SLC1A1: variants seen among roughly 807,000 people sequenced by gnomAD.
The protein encoded by SLC1A1 is excitatory amino acid transporter 3.
A neutral mutation model predicts 53.3 loss-of-function variants in SLC1A1; 43 were observed. That is an observed-to-expected ratio of 0.81 (90% CI 0.63 to 1.04). The LOEUF (loss-of-function observed/expected upper bound fraction) is 1.04, where lower values mean the gene tolerates loss of function less well. Among genes scored for constraint, SLC1A1 ranks in the 50% least tolerant of loss-of-function variants. The probability of loss-of-function intolerance (pLI) is 0.00; values close to 1 mark genes in which losing one functional copy is unlikely to be tolerated. For missense variants in SLC1A1, 748 were observed against 664.9 expected (o/e 1.12, Z -1.37); for synonymous variants, 307 against 243.2 (o/e 1.26, Z -2.44).
chr9:4,539,611 A>T (rs1372402855), intron 1 of SLC1A1, among the ~76,000 whole-genome samples: 1 of 151,324 alleles, frequency 6.6e-6, no homozygotes, highest in Admixed American at 6.6e-5. Flanking sequence ...TCACTCTGTC[A>T]TCTAGGCTGG....
At chr9:4,514,710 A>C (rs1270732380) in intron 1 of SLC1A1, among the ~76,000 whole-genome samples, 1 of 152,120 alleles carries the variant, frequency 6.6e-6, no homozygotes, top group East Asian at 1.9e-4. Context: ...GGGACCACTG[A>C]AGGGGCTTTA....
chr9:4,557,766 C>G (rs939981830), intron 2 of SLC1A1, among the ~76,000 whole-genome samples: 1 of 152,176 alleles, frequency 6.6e-6, no homozygotes. Flanking sequence ...TTTCTATCAT[C>G]AGGAAGCTCT....
intron 1 of SLC1A1, 120 bp from the exon 2 acceptor site, chr9:4,544,447 T>C (rs1817285264): frequency 1.2e-6 from 1 of 854,672 alleles, no homozygotes; most frequent in Admixed American, 1.7e-5. Context: ...TCATGGGAAA[T>C]GATCTAAACT....
intron 10 of SLC1A1, among the ~76,000 whole-genome samples, chr9:4,580,651 G>GTATGTGTGTGTGTGTA (rs1554690422): frequency 0.042 from 5,024 of 118,592 alleles, 211 homozygotes; most frequent in East Asian, 0.16. Flanking sequence ...GTGTGTGTGT[G>GTATGTGTGTGTGTGTA]TATAAGGAAT....
At chr9:4,547,800 T>TATTGTATA (rs1817609384) in intron 2 of SLC1A1, among the ~76,000 whole-genome samples, 1 of 152,164 alleles carries the variant, frequency 6.6e-6, no homozygotes, top group African/African-American at 2.4e-5. Flanking sequence ...TACAAATTTA[T>TATTGTATA]CTTTTATACT....
chr9:4,533,503 A>G (rs1392015661), intron 1 of SLC1A1, among the ~76,000 whole-genome samples: 7 of 152,212 alleles, frequency 4.6e-5, no homozygotes, highest in Non-Finnish European at 8.8e-5. Context: ...CAATTCAACA[A>G]GAAGAGCTAA....
At chr9:4,542,527 C>G (rs189457104) in intron 1 of SLC1A1, among the ~76,000 whole-genome samples, 21 of 152,130 alleles carry the variant, frequency 1.4e-4, no homozygotes, top group African/African-American at 5.1e-4. Flanking sequence ...CAACAGAGTC[C>G]TTGTGTGGCT....
intron 1 of SLC1A1, among the ~76,000 whole-genome samples, chr9:4,495,101 T>C (rs548230528): frequency 2.6e-4 from 39 of 152,318 alleles, no homozygotes; most frequent in African/African-American, 8.9e-4. Flanking sequence ...CTCGTGTCTC[T>C]ACCCTGGAGC....
intron 1 of SLC1A1, among the ~76,000 whole-genome samples, chr9:4,516,349 G>T (rs182075037): frequency 4.1e-4 from 62 of 152,326 alleles, no homozygotes; most frequent in African/African-American, 1.4e-3. Context: ...ATAAAACAGG[G>T]CTGGCTGTGG....
chr9:4,508,639 C>A (rs117292535), intron 1 of SLC1A1, among the ~76,000 whole-genome samples: 1 of 152,206 alleles, frequency 6.6e-6, no homozygotes, highest in Non-Finnish European at 1.5e-5. Flanking sequence ...CTTCTGGGTT[C>A]GATGGCCCTG....
At chr9:4,550,631 G>A (rs1202242113) in intron 2 of SLC1A1, among the ~76,000 whole-genome samples, 1 of 152,118 alleles carries the variant, frequency 6.6e-6, no homozygotes, top group Non-Finnish European at 1.5e-5. Flanking sequence ...CCTCAAGTGA[G>A]CCTCCCACCT....
At chr9:4,505,942 G>C (rs1310762265) in intron 1 of SLC1A1, among the ~76,000 whole-genome samples, 1 of 152,206 alleles carries the variant, frequency 6.6e-6, no homozygotes, top group African/African-American at 2.4e-5. Context: ...TCCTGCCTCA[G>C]CTTCCCAAGT....
intron 4 of SLC1A1, among the ~76,000 whole-genome samples, chr9:4,565,462 C>A (rs1819394771): frequency 6.6e-6 from 1 of 152,158 alleles, no homozygotes; most frequent in African/African-American, 2.4e-5. Flanking sequence ...AACTTACAAT[C>A]ATGGCAGAAG....
At chr9:4,502,462 T>G (rs1820669952) in intron 1 of SLC1A1, among the ~76,000 whole-genome samples, 1 of 147,970 alleles carries the variant, frequency 6.8e-6, no homozygotes, top group African/African-American at 2.5e-5. Context: ...GAGTGACATA[T>G]TTTCTCCCTT....
At chr9:4,531,443 A>G (rs1262004046) in intron 1 of SLC1A1, among the ~76,000 whole-genome samples, 1 of 152,186 alleles carries the variant, frequency 6.6e-6, no homozygotes, top group Non-Finnish European at 1.5e-5. Flanking sequence ...CTACGCCCGC[A>G]GAGACTCACT....
At position 4,573,892 on chromosome 9, in the gene SLC1A1, G is replaced by T. The variant is rs375237949; in HGVS notation, c.768-15G>T. On this transcript the variant is annotated splice_polypyrimidine_tract_variant and intron_variant, in intron 7 of 11. Coordinates refer to ENST00000262352, the MANE Select transcript of SLC1A1 (RefSeq NM_004170.6). ...TTGATGACGGAATCACGCCTCTGTT[G>T]TGCTTCCTTTCCAGTTATATGCCAC... is the stretch of plus-strand genomic sequence containing the variant. 1 of 1,552,852 alleles carries T rather than the reference G, an allele frequency of 6.4e-7. No individual in the cohort carries two copies. The highest frequency in any genetic ancestry group is 1.4e-5 in the African/African-American group (1 of 73,776).
chr9:4,566,086 G>A lies in SLC1A1; in HGVS notation c.480G>A (p.Gln160=). ...AGAATCTTGTCCAGGCCTGTTTTCA[G>A]CAGGTAATATTAATTACTTGTGCCC... ...FPENLVQACF[Q]QYKTKREEVK... is the part of the protein sequence containing the mutation. The change falls in exon 5 of 12, where the codon CAG becomes CAA. Residue 160 remains glutamine, a synonymous_variant. Transcript: ENST00000262352. The A allele has an allele frequency of 6.2e-7, 1 of 1,612,106 alleles. No individual in the cohort carries two copies.
chr9:4,519,869 G>C (rs1157349895), intron 1 of SLC1A1, among the ~76,000 whole-genome samples: 1 of 152,302 alleles, frequency 6.6e-6, no homozygotes. Flanking sequence ...GTCCTCCACA[G>C]AGCTTAGCAA....
chr9:4,572,100 C>T, intron 6 of SLC1A1, 104 bp from the exon 7 acceptor site: 1 of 966,242 alleles, frequency 1.0e-6, no homozygotes, highest in East Asian at 2.4e-5. Flanking sequence ...TGGGAGATCA[C>T]CAGTTTATTA....
Sources: gnomAD v4.1 joint callset for allele counts (sites outside exome capture counted in the v4.1 genomes callset) on GRCh38, gnomAD v4.1.1 for gene constraint, MANE v1.5 for transcripts, NCBI Gene and HGNC (gene_info 2026-07-23, HGNC 2026-07-21) for gene names.